Variants in UBE3D observed in about 807,000 individuals in gnomAD.
The protein encoded by UBE3D is ubiquitin protein ligase E3D, also known as E3 ubiquitin-protein ligase E3D.
In UBE3D, 48 loss-of-function variants were observed where a neutral mutation model predicts 49.6. That is an observed-to-expected ratio of 0.97 (90% confidence interval 0.77 to 1.23). The LOEUF (loss-of-function observed/expected upper bound fraction) is 1.23. Among genes scored for constraint, UBE3D ranks in the 50% most tolerant of loss-of-function variants. The pLI, the probability that UBE3D is intolerant of heterozygous loss-of-function variation, is 0.00. For synonymous variants in UBE3D, 189 were observed against 174.2 expected (o/e 1.08, Z -0.67); for missense variants, 452 against 468.4 (o/e 0.96, Z 0.32).
At chr6:83,002,626 G>A (rs571087986) in intron 8 of UBE3D, among the ~76,000 whole-genome samples, 9 of 152,320 alleles carry the variant, frequency 5.9e-5, no homozygotes, top group Admixed American at 1.3e-4. Flanking sequence ...CAGACGTTGC[G>A]GTGAGCCGAG....
chr6:82,913,431 T>C (rs145673986), intron 9 of UBE3D, among the ~76,000 whole-genome samples: 1,581 of 152,286 alleles, frequency 0.01, 13 homozygotes, highest in Admixed American at 0.018. Context: ...GTAAAAGAAG[T>C]GTAGCACATG....
intron 8 of UBE3D, among the ~76,000 whole-genome samples, chr6:82,992,459 G>A (rs1200378089): frequency 6.6e-6 from 1 of 152,136 alleles, no homozygotes; most frequent in Non-Finnish European, 1.5e-5. Flanking sequence ...CTGACCTCAG[G>A]TGATCTGCCT....
At chr6:82,989,228 A>T (rs1778720042) in intron 8 of UBE3D, among the ~76,000 whole-genome samples, 1 of 152,108 alleles carries the variant, frequency 6.6e-6, no homozygotes, top group Non-Finnish European at 1.5e-5. Flanking sequence ...ATGCAGCATC[A>T]TTAACCCCTG....
At chr6:83,065,567 A>G in intron 1 of UBE3D, 75 bp downstream of exon 1, 1 of 1,395,620 alleles carries the variant, frequency 7.2e-7, no homozygotes, top group Non-Finnish European at 1.0e-6. Context: ...TCGTACAGAG[A>G]GAGACTCACC....
intron 8 of UBE3D, among the ~76,000 whole-genome samples, chr6:82,959,850 C>G (rs983768952): frequency 6.6e-6 from 1 of 151,968 alleles, no homozygotes; most frequent in African/African-American, 2.4e-5. Context: ...CCTCACAGTC[C>G]CAAACAGGGT....
At chr6:82,912,980 C>T (rs569177060) in intron 9 of UBE3D, among the ~76,000 whole-genome samples, 31 of 152,196 alleles carry the variant, frequency 2.0e-4, no homozygotes, top group Non-Finnish European at 3.8e-4. Context: ...AATAAACCTA[C>T]CTGCAGGCAG....
At chr6:82,953,254 T>C (rs1775927741) in intron 9 of UBE3D, among the ~76,000 whole-genome samples, 1 of 152,238 alleles carries the variant, frequency 6.6e-6, no homozygotes, top group South Asian at 2.1e-4. Context: ...ATCATTCCCA[T>C]ATTCCCTACT....
intron 8 of UBE3D, among the ~76,000 whole-genome samples, chr6:82,964,563 T>C (rs556500983): frequency 1.8e-4 from 28 of 152,292 alleles, no homozygotes; most frequent in African/African-American, 2.6e-4. Flanking sequence ...ATTAAAGATA[T>C]TGAAATATTA....
intron 8 of UBE3D, among the ~76,000 whole-genome samples, chr6:82,999,313 C>A (rs1779456877): frequency 1.3e-5 from 2 of 152,160 alleles, no homozygotes; most frequent in African/African-American, 4.8e-5. Context: ...TCCATCTTGT[C>A]CTGGAATCCT....
At chr6:83,048,300 AT>A (rs1420366447) in intron 3 of UBE3D, among the ~76,000 whole-genome samples, 3 of 151,980 alleles carry the variant, frequency 2.0e-5, no homozygotes, top group Non-Finnish European at 4.4e-5. Context: ...GCATTACAGA[AT>A]TTTAAACAGA....
At position 82,903,682 on chromosome 6, in the gene UBE3D, A is replaced by G. The variant is rs191795966; in HGVS notation, c.1150-10640T>C. Among the ~76,000 whole-genome samples the G allele has an allele frequency of 1.8e-3, 278 of 152,298 alleles. 2 individuals carry two copies. Among genetic ancestry groups the G allele is most frequent in the Non-Finnish European group, 4.6e-4 (31 of 68,016 alleles). On this transcript the variant is annotated intron_variant, in intron 9 of 9. Transcript: ENST00000369747. Reference sequence around the variant, plus strand: ...CTTAAGACATGCAAATTTTAAAAAGAAAAACATGCTAATATAGCCATTTAA... The same window carrying G: ...CTTAAGACATGCAAATTTTAAAAAGGAAAACATGCTAATATAGCCATTTAA...
intron 8 of UBE3D, among the ~76,000 whole-genome samples, chr6:83,011,337 CCTT>C (rs1780324486): frequency 6.6e-6 from 1 of 152,294 alleles, no homozygotes; most frequent in East Asian, 1.9e-4. Flanking sequence ...TTGATGACTA[CCTT>C]CTTCTACTAC....
intron 8 of UBE3D, 35 bp from the exon 9 acceptor site, chr6:82,957,485 C>A: frequency 6.3e-7 from 1 of 1,576,120 alleles, no homozygotes; most frequent in South Asian, 1.2e-5. Flanking sequence ...TTCAAAAATG[C>A]ATTATCATAA....
At chr6:82,924,333 ATGT>A (rs1051856771) in intron 9 of UBE3D, among the ~76,000 whole-genome samples, 2 of 152,166 alleles carry the variant, frequency 1.3e-5, no homozygotes, top group African/African-American at 4.8e-5. Flanking sequence ...ATTAGGTAAA[ATGT>A]CAAAAACCTC....
chr6:82,895,433 A>G (rs999388085), intron 9 of UBE3D, among the ~76,000 whole-genome samples: 17 of 152,302 alleles, frequency 1.1e-4, no homozygotes, highest in African/African-American at 3.8e-4. Flanking sequence ...TCGGTTGTCA[A>G]CGTAACTGGG....
rs73477759 is a variant in UBE3D, at chr6:82,953,032, C to T, written c.1149+4280G>A. On this transcript the variant is annotated intron_variant, in intron 9 of 9. Coordinates refer to ENST00000369747, the MANE Select transcript of UBE3D (RefSeq NM_198920.3). The stretch of plus-strand genomic sequence containing the variant: ...GACATCTTACCTATATTTAAAGCTG[C>T]CATTGCAGGACTTCAGGTTAAGAGC... Among the ~76,000 whole-genome samples, 1,253 of 152,282 alleles carry T rather than the reference C, an allele frequency of 8.2e-3. 22 individuals are homozygous for T. The highest frequency in any genetic ancestry group is 0.029 in the African/African-American group (1,187 of 41,552).
intron 8 of UBE3D, among the ~76,000 whole-genome samples, chr6:82,990,498 G>C (rs887858392): frequency 2.0e-5 from 3 of 152,014 alleles, no homozygotes; most frequent in Non-Finnish European, 4.4e-5. Context: ...GGCTGGTCTT[G>C]AACTCCTGAC....
intron 1 of UBE3D, among the ~76,000 whole-genome samples, chr6:83,064,804 G>C (rs1243277406): frequency 6.6e-6 from 1 of 152,188 alleles, no homozygotes; most frequent in African/African-American, 2.4e-5. Context: ...TTTGAACTCA[G>C]TTCTCACGCC....
chr6:83,038,480 T>C lies in UBE3D; in HGVS notation c.603A>G (p.Pro201=), dbSNP rs1299565726. ...VSSDNHCKLE[P]KANTKVICKR... Reference sequence around the variant, plus strand: ...TACAAATTACTTTGGTATTTGCCTTTGGTTCCTGTAGAACAGAAAAATGTC... The same window carrying C: ...TACAAATTACTTTGGTATTTGCCTTCGGTTCCTGTAGAACAGAAAAATGTC... Residue 201 remains proline, a synonymous_variant, in exon 5 of 10, where the codon CCA becomes CCG. Coordinates refer to ENST00000369747, the MANE Select transcript of UBE3D (RefSeq NM_198920.3). 1 of 1,609,258 alleles carries C rather than the reference T, an allele frequency of 6.2e-7. No individual in the cohort carries two copies.
Sources: allele counts gnomAD v4.1 joint callset (sites outside exome capture counted in the v4.1 genomes callset), GRCh38; gene constraint gnomAD v4.1.1; transcripts MANE v1.5; gene names NCBI Gene and HGNC (gene_info 2026-07-23, HGNC 2026-07-21).